ARHGAP29: variants seen among roughly 807,000 people sequenced by gnomAD.
ARHGAP29 encodes rho GTPase-activating protein 29.
In ARHGAP29, 43 loss-of-function variants were observed where a neutral mutation model predicts 122.6. That is an observed-to-expected ratio of 0.35 (90% CI 0.27 to 0.45). The LOEUF (loss-of-function observed/expected upper bound fraction) is 0.45, where lower values mean the gene tolerates loss of function less well. Ranked by LOEUF, ARHGAP29 falls within the 20% of genes least tolerant of loss-of-function variation. ARHGAP29 has a pLI of 1.00. For missense variants in ARHGAP29, 1,303 were observed against 1,477.2 expected (o/e 0.88, Z 1.93); for synonymous variants, 506 against 497.1 (o/e 1.02, Z -0.24).
intron 1 of ARHGAP29, among the ~76,000 whole-genome samples, chr1:94,248,426 A>G (rs1036756952): frequency 2.6e-5 from 4 of 152,208 alleles, no homozygotes; most frequent in Non-Finnish European, 5.9e-5. Flanking sequence ...TGTATGGAGG[A>G]AAACAAAACA....
chr1:94,287,063 C>T, the ARHGAP29 span, among the ~76,000 whole-genome samples: 1 of 152,196 alleles, frequency 6.6e-6, no homozygotes, highest in Non-Finnish European at 1.5e-5. Flanking sequence ...GTCCAGGGCT[C>T]TGGAACTTCT....
chr1:94,197,298 C>T (rs1650537941), intron 12 of ARHGAP29, among the ~76,000 whole-genome samples: 1 of 151,770 alleles, frequency 6.6e-6, no homozygotes, highest in African/African-American at 2.4e-5. Flanking sequence ...CCACAAGCTA[C>T]CAAAAATCAC....
chr1:94,267,776 G>A (rs1051656813), intron 1 of ARHGAP29, among the ~76,000 whole-genome samples: 1 of 151,676 alleles, frequency 6.6e-6, no homozygotes, highest in Non-Finnish European at 1.5e-5. Context: ...TTCATCAAAT[G>A]AGCATTACTT....
chr1:94,169,404 A>G lies in ARHGAP29; in HGVS notation c.*4465T>C, dbSNP rs1172423663. ...GGCATATTTGGGACTGGGTGTGATG[A>G]GACAGCAGCTGGCATGTCAAGAGGT... On this transcript the variant is annotated 3_prime_UTR_variant, in exon 23 of 23. Coordinates refer to ENST00000260526, the MANE Select transcript of ARHGAP29 (RefSeq NM_004815.4). Among the ~76,000 whole-genome samples, 1 of 152,118 alleles carries G rather than the reference A, an allele frequency of 6.6e-6. No individual in the cohort carries two copies. Among genetic ancestry groups the G allele is most frequent in the African/African-American group, 2.4e-5 (1 of 41,418 alleles).
chr1:94,189,869 CTTAACAA>C, intron 13 of ARHGAP29, 50 bp downstream of exon 13: 1 of 1,556,712 alleles, frequency 6.4e-7, no homozygotes, highest in Non-Finnish European at 8.8e-7. Context: ...TAGATAGAAA[CTTAACAA>C]TTAAGTGTTT....
rs77087768 is a variant in ARHGAP29 at position 94,174,396 on chromosome 1, G to T, written c.3259C>A (p.Gln1087Lys). 1 of 1,614,132 alleles carries T rather than the reference G, an allele frequency of 6.2e-7. No individual in the cohort carries two copies. Residue 1087 changes from glutamine (Q) to lysine (K), a missense_variant, in exon 23 of 23, where the codon CAA becomes AAA. Gln to Lys is a moderately conservative substitution (Grantham distance 53). Around this residue, in one of 3 missense-constraint regions of ARHGAP29, gnomAD observed 620 missense variants for 651.2 expected, o/e 0.95. Coordinates refer to ENST00000260526, the MANE Select transcript of ARHGAP29 (RefSeq NM_004815.4). ...GTAGTCTTGGCAGTTAGGCTGTTTTGTTCATACTGTTTGTCCTGAATTTTC... is the reference window on the plus strand; with the variant it reads ...GTAGTCTTGGCAGTTAGGCTGTTTTTTTCATACTGTTTGTCCTGAATTTTC... ...LQKIQDKQYE[Q>K]NSLTAKTTMI...
chr1:94,274,491 T>C (rs1369800863), intron 1 of ARHGAP29, among the ~76,000 whole-genome samples: 2 of 152,232 alleles, frequency 1.3e-5, no homozygotes, highest in Non-Finnish European at 1.5e-5. Flanking sequence ...ACAAAACTTA[T>C]TCCTTCAGCA....
intron 1 of ARHGAP29, among the ~76,000 whole-genome samples, chr1:94,247,228 G>C (rs1384699747): frequency 6.6e-6 from 1 of 152,096 alleles, no homozygotes; most frequent in East Asian, 1.9e-4. Flanking sequence ...GGGTAAAGGA[G>C]CCCCTGAATT....
intron 3 of ARHGAP29, among the ~76,000 whole-genome samples, chr1:94,216,746 A>C (rs1258678146): frequency 6.6e-6 from 1 of 152,196 alleles, no homozygotes; most frequent in Non-Finnish European, 1.5e-5. Context: ...TTTATATTAG[A>C]AATAAGATTG....
intron 1 of ARHGAP29, among the ~76,000 whole-genome samples, chr1:94,264,047 G>A (rs1654660585): frequency 6.6e-6 from 1 of 152,154 alleles, no homozygotes; most frequent in Non-Finnish European, 1.5e-5. Context: ...CCCTAGAAGT[G>A]TAAATTTTGG....
At chr1:94,294,192 T>C in the ARHGAP29 span, among the ~76,000 whole-genome samples, 1 of 152,090 alleles carries the variant, frequency 6.6e-6, no homozygotes, top group Non-Finnish European at 1.5e-5. Context: ...ATCATTTAAT[T>C]TGGAACATAT....
intron 1 of ARHGAP29, among the ~76,000 whole-genome samples, chr1:94,244,899 A>G (rs947480329): frequency 9.2e-5 from 14 of 152,174 alleles, no homozygotes; most frequent in African/African-American, 2.9e-4. Context: ...CAATTCAATA[A>G]AAATAAAACA....
chr1:94,312,779 G>A, the ARHGAP29 span, among the ~76,000 whole-genome samples: 5 of 152,122 alleles, frequency 3.3e-5, no homozygotes, highest in African/African-American at 1.2e-4. Flanking sequence ...ATCAGTTTCT[G>A]AGTCATCCTT....
chr1:94,303,391 T>C, the ARHGAP29 span, among the ~76,000 whole-genome samples: 1 of 152,086 alleles, frequency 6.6e-6, no homozygotes, highest in East Asian at 1.9e-4. Context: ...AGTGAAATGG[T>C]GGTGCTAGGG....
chr1:94,214,755 T>C (rs749005677), intron 3 of ARHGAP29, among the ~76,000 whole-genome samples: 1 of 152,168 alleles, frequency 6.6e-6, no homozygotes, highest in Non-Finnish European at 1.5e-5. Flanking sequence ...CAATACCAAG[T>C]CCTAAGACAC....
intron 12 of ARHGAP29, chr1:94,194,349 T>G (rs924654745): frequency 2.0e-5 from 3 of 152,226 alleles, no homozygotes; most frequent in Non-Finnish European, 4.4e-5. Context: ...CCAGAATGCT[T>G]ATTTTGTATC....
the ARHGAP29 span, among the ~76,000 whole-genome samples, chr1:94,293,522 G>A: frequency 6.6e-6 from 1 of 152,152 alleles, no homozygotes; most frequent in Non-Finnish European, 1.5e-5. Context: ...GATGAACCAG[G>A]TATCTCAGTA....
intron 5 of ARHGAP29, among the ~76,000 whole-genome samples, chr1:94,207,342 A>C (rs547345442): frequency 3.9e-5 from 6 of 152,290 alleles, no homozygotes; most frequent in African/African-American, 1.2e-4. Flanking sequence ...CCGTTGATCA[A>C]AGTAATTTTA....
intron 2 of ARHGAP29, among the ~76,000 whole-genome samples, chr1:94,222,479 C>A (rs949920793): frequency 1.3e-5 from 2 of 152,158 alleles, no homozygotes; most frequent in Middle Eastern, 3.2e-3. Context: ...TAATCTTCCT[C>A]CCAATATCCC....
Sources: gnomAD v4.1 joint callset for allele counts (sites outside exome capture counted in the v4.1 genomes callset) on GRCh38, gnomAD v4.1.1 for gene constraint, gnomAD v4.1.1 regional missense constraint, MANE v1.5 for transcripts, NCBI Gene and HGNC (gene_info 2026-07-23, HGNC 2026-07-21) for gene names.